Variants in RBPJ observed in about 807,000 individuals in gnomAD.
The protein encoded by RBPJ is recombining binding protein suppressor of hairless.
Under a neutral mutation model 67.8 loss-of-function variants are expected in RBPJ, and 9 were observed. The ratio of observed to expected loss-of-function variants is 0.13; its 90% confidence interval spans 0.08 to 0.23. The LOEUF (loss-of-function observed/expected upper bound fraction) is 0.23, where lower values mean the gene tolerates loss of function less well. RBPJ is among the 10% of genes least tolerant of loss of function. The pLI is 1.00. For missense variants in RBPJ, 305 were observed against 595.6 expected, an observed-to-expected ratio of 0.51 and a Z score of 5.08; for synonymous variants, 198 against 203.3, an observed-to-expected ratio of 0.97 and a Z score of 0.22.
At chr4:26,122,226 AAAAC>A in the RBPJ span, among the ~76,000 whole-genome samples, 1 of 152,230 alleles carries the variant, frequency 6.6e-6, no homozygotes, top group Non-Finnish European at 1.5e-5. Context: ...GATCAAGAGA[AAAAC>A]AGAGTCCTGA....
At position 26,278,238 on chromosome 4, in the gene RBPJ, A is replaced by C. The variant is rs139997381; in HGVS notation, c.-166-84208A>C. Among the ~76,000 whole-genome samples the C allele has an allele frequency of 1.1e-3, 168 of 152,348 alleles. 3 individuals carry two copies. In the East Asian group the frequency reaches 0.027, roughly 25 times the overall value. On this transcript the variant is annotated intron_variant, in intron 1 of 4. Coordinates refer to the RBPJ transcript ENST00000512351. The stretch of plus-strand genomic sequence containing the variant: ...TGCTACATAACATTTTCAAAAAAGT[A>C]AAGTCACGTCTGTCATGAAGATATA...
chr4:26,296,046 A>G (rs1388266323), intron 1 of RBPJ, among the ~76,000 whole-genome samples: 2 of 152,210 alleles, frequency 1.3e-5, no homozygotes, highest in Non-Finnish European at 2.9e-5. Context: ...ATGTGAATGG[A>G]GAGAAAGCAC....
chr4:26,133,700 T>C, the RBPJ span, among the ~76,000 whole-genome samples: 1 of 152,106 alleles, frequency 6.6e-6, no homozygotes, highest in African/African-American at 2.4e-5. Context: ...AACTAGTGCC[T>C]GATGATCTGA....
the RBPJ span, among the ~76,000 whole-genome samples, chr4:26,126,621 G>C: frequency 5.9e-5 from 9 of 152,154 alleles, no homozygotes; most frequent in Non-Finnish European, 1.3e-4. Context: ...TTCCAAACTT[G>C]TTCTGCAGCC....
chr4:26,360,890 G>A (rs1345147078), intron 1 of RBPJ, among the ~76,000 whole-genome samples: 5 of 151,212 alleles, frequency 3.3e-5, no homozygotes, highest in African/African-American at 1.2e-4. Flanking sequence ...GATTATAGGC[G>A]TGAGCCACCG....
the RBPJ span, among the ~76,000 whole-genome samples, chr4:26,136,803 A>G: frequency 1.8e-4 from 28 of 152,166 alleles, no homozygotes; most frequent in African/African-American, 6.8e-4. Context: ...TAACTTCCTT[A>G]TTTATCTTTT....
rs183186201 is a variant in RBPJ at position 26,299,066 on chromosome 4, G to T, written c.-166-63380G>T. Among the ~76,000 whole-genome samples, 24 of 152,118 alleles carry T rather than the reference G, an allele frequency of 1.6e-4. No individual in the cohort carries two copies. The East Asian group carries it at 3.7e-3, about 23-fold the overall frequency. ...CCGATTCCAAAAGAATGAAATAAAA[G>T]AACTCCAAAAAAGGAATGTAGCAAG... is the stretch of plus-strand genomic sequence containing the variant. On this transcript the variant is annotated intron_variant, in intron 1 of 4. Transcript: ENST00000512351.
intron 1 of RBPJ, among the ~76,000 whole-genome samples, chr4:26,367,135 A>AT (rs1471394175): frequency 6.6e-6 from 1 of 151,856 alleles, no homozygotes; most frequent in African/African-American, 2.4e-5. Context: ...AAAAAAATAA[A>AT]TTAATTAATA....
chr4:26,350,694 A>G (rs1560285696), intron 1 of RBPJ, among the ~76,000 whole-genome samples: 1 of 152,200 alleles, frequency 6.6e-6, no homozygotes, highest in Non-Finnish European at 1.5e-5. Flanking sequence ...AAATGTAAAG[A>G]CCTGTAGGCA....
At chr4:26,175,721 G>A (rs1716772728) in intron 1 of RBPJ, among the ~76,000 whole-genome samples, 1 of 152,154 alleles carries the variant, frequency 6.6e-6, no homozygotes, top group African/African-American at 2.4e-5. Flanking sequence ...GCGTATTCAA[G>A]CACACACACC....
At chr4:26,126,983 GC>G in the RBPJ span, among the ~76,000 whole-genome samples, 1 of 152,216 alleles carries the variant, frequency 6.6e-6, no homozygotes, top group Non-Finnish European at 1.5e-5. Context: ...GATGTGTGGT[GC>G]CCCTAGTCTT....
At chr4:26,298,963 G>T (rs1238726462) in intron 1 of RBPJ, among the ~76,000 whole-genome samples, 4 of 152,146 alleles carry the variant, frequency 2.6e-5, no homozygotes, top group African/African-American at 9.6e-5. Flanking sequence ...ACGCTTCAAA[G>T]AAAAAAGGTA....
At position 26,270,433 on chromosome 4, in the gene RBPJ, G is replaced by GA. The variant is rs58304106; in HGVS notation, c.-166-92010dup. Reference sequence around the variant, plus strand: ...AGAAAGAAAGAAAGAAAGAAAGAAAGAAAGAAGAAAGAAAGAAAGAAAGAA... The same window carrying GA: ...AGAAAGAAAGAAAGAAAGAAAGAAAGAAAAGAAGAAAGAAAGAAAGAAAGAA... On this transcript the variant is annotated intron_variant, in intron 1 of 4. Transcript: ENST00000512351. 1.1e-3 allele frequency among the ~76,000 whole-genome samples: 65 copies of GA among 57,850 alleles called. 8 individuals are homozygous for GA. Among genetic ancestry groups the GA allele is most frequent in the African/African-American group, 2.7e-3 (63 of 23,104 alleles). The allele number at this position is 57,850 out of a possible 152,430, so 38.0% of individuals were successfully genotyped here.
chr4:26,277,555 C>T (rs138987735), intron 1 of RBPJ, among the ~76,000 whole-genome samples: 9 of 152,250 alleles, frequency 5.9e-5, no homozygotes, highest in African/African-American at 2.2e-4. Flanking sequence ...AAAGTGCCAA[C>T]CCGGCCAAGC....
chr4:26,192,928 C>T (rs1158826965), intron 1 of RBPJ, among the ~76,000 whole-genome samples: 2 of 152,074 alleles, frequency 1.3e-5, no homozygotes, highest in Admixed American at 1.3e-4. Context: ...ATCCTGGATT[C>T]TACAAGGGTC....
intron 1 of RBPJ, among the ~76,000 whole-genome samples, chr4:26,209,380 A>C (rs1718284488): frequency 6.6e-6 from 1 of 152,144 alleles, no homozygotes; most frequent in Non-Finnish European, 1.5e-5. Flanking sequence ...TGTGTTTATG[A>C]TAATTTGAAA....
intron 1 of RBPJ, among the ~76,000 whole-genome samples, chr4:26,201,908 G>T (rs543818208): frequency 3.3e-5 from 5 of 152,310 alleles, no homozygotes; most frequent in East Asian, 3.9e-4. Context: ...TCATTTCAAT[G>T]ATACCCACGA....
chr4:26,362,598 G>T, intron 1 of RBPJ: 1 of 1,613,964 alleles, frequency 6.2e-7, no homozygotes, highest in South Asian at 1.1e-5. Flanking sequence ...ACCTTAACAT[G>T]TTCTTGAAGT....
At chr4:26,371,159 A>G (rs1729126921) in intron 1 of RBPJ, among the ~76,000 whole-genome samples, 1 of 152,172 alleles carries the variant, frequency 6.6e-6, no homozygotes, top group Non-Finnish European at 1.5e-5. Context: ...TAAACATTAC[A>G]GATCAGTTTT....
Sources: allele counts gnomAD v4.1 joint callset (sites outside exome capture counted in the v4.1 genomes callset), GRCh38; gene constraint gnomAD v4.1.1; transcripts MANE v1.5; gene names NCBI Gene and HGNC (gene_info 2026-07-23, HGNC 2026-07-21).